SV2C: variants seen among roughly 807,000 people sequenced by gnomAD.
The protein encoded by SV2C is solute carrier family 22 member B3.
A neutral mutation model predicts 79.7 loss-of-function variants in SV2C; 49 were observed. That is an observed-to-expected ratio of 0.61 (90% confidence interval 0.49 to 0.78). The LOEUF is 0.78. Among genes scored for constraint, SV2C ranks in the 30% least tolerant of loss-of-function variants. The pLI is 0.00. For synonymous variants in SV2C, 334 were observed against 333.2 expected, an observed-to-expected ratio of 1.00 and a Z score of -0.03; for missense variants, 833 against 912.9, an observed-to-expected ratio of 0.91 and a Z score of 1.13.
At chr5:76,324,586 G>A (rs532470296) in intron 12 of SV2C, among the ~76,000 whole-genome samples, 3 of 152,180 alleles carry the variant, frequency 2.0e-5, no homozygotes, top group East Asian at 1.9e-4. Flanking sequence ...GCTCATGCCT[G>A]TAATCCCAGC....
chr5:75,910,969 A>G, the SV2C span: 1 of 904,720 alleles, frequency 1.1e-6, no homozygotes, highest in Non-Finnish European at 1.8e-6. Context: ...TTTATCCCCC[A>G]GTTCGAACAT....
At chr5:76,008,241 G>T in the SV2C span, among the ~76,000 whole-genome samples, 1 of 152,144 alleles carries the variant, frequency 6.6e-6, no homozygotes, top group Non-Finnish European at 1.5e-5. Context: ...GACAGCTAAG[G>T]ATGAACTGAA....
chr5:76,340,510 T>A (rs1749421778), intron 12 of SV2C, among the ~76,000 whole-genome samples: 1 of 152,282 alleles, frequency 6.6e-6, no homozygotes, highest in South Asian at 2.1e-4. Context: ...AGCAGGATAT[T>A]CCAGGAAGTC....
At chr5:75,920,129 G>A in the SV2C span, among the ~76,000 whole-genome samples, 18 of 152,314 alleles carry the variant, frequency 1.2e-4, no homozygotes, top group Non-Finnish European at 2.5e-4. Context: ...CTATGGACAG[G>A]AACTCTTAGA....
At chr5:76,281,325 T>A (rs974156995) in intron 4 of SV2C, 11 of 391,748 alleles carry the variant, frequency 2.8e-5, no homozygotes, top group Non-Finnish European at 5.0e-5. Context: ...GGACGGAAGT[T>A]AAGATCTGAT....
the SV2C span, among the ~76,000 whole-genome samples, chr5:75,979,821 G>C: frequency 6.6e-6 from 1 of 152,082 alleles, no homozygotes; most frequent in African/African-American, 2.4e-5. Flanking sequence ...AAAAAAATTA[G>C]AGAACCAAGG....
At chr5:75,897,025 T>A in the SV2C span, among the ~76,000 whole-genome samples, 1 of 145,690 alleles carries the variant, frequency 6.9e-6, no homozygotes, top group African/African-American at 2.8e-5. Flanking sequence ...GGTTGCCTGT[T>A]CACTCTGATG....
intron 2 of SV2C, among the ~76,000 whole-genome samples, chr5:76,165,448 G>C (rs1011381192): frequency 6.6e-6 from 1 of 152,094 alleles, no homozygotes; most frequent in Non-Finnish European, 1.5e-5. Context: ...CCAGGGTCCA[G>C]ATTGTTCCAT....
chr5:75,954,420 A>T, the SV2C span, among the ~76,000 whole-genome samples: 1 of 152,052 alleles, frequency 6.6e-6, no homozygotes, highest in Admixed American at 6.6e-5. Context: ...ATTTATTGAG[A>T]GTTTTTAGCC....
intron 2 of SV2C, among the ~76,000 whole-genome samples, chr5:76,186,642 AG>A (rs1743926727): frequency 6.6e-6 from 1 of 152,180 alleles, no homozygotes; most frequent in South Asian, 2.1e-4. Context: ...CAGTGAGCCA[AG>A]GTTACACCAC....
At chr5:75,958,104 CTCAA>C in the SV2C span, among the ~76,000 whole-genome samples, 1 of 151,946 alleles carries the variant, frequency 6.6e-6, no homozygotes, top group Non-Finnish European at 1.5e-5. Context: ...TCTGGAAAGC[CTCAA>C]TAGAGTTTTT....
At chr5:75,992,296 G>T in the SV2C span, among the ~76,000 whole-genome samples, 2 of 151,786 alleles carry the variant, frequency 1.3e-5, no homozygotes, top group Admixed American at 1.3e-4. Flanking sequence ...TTTATATCAG[G>T]ACCATAAAAC....
chr5:76,091,001 A>T (rs566330969), intron 1 of SV2C, among the ~76,000 whole-genome samples: 2 of 152,170 alleles, frequency 1.3e-5, no homozygotes, highest in Non-Finnish European at 2.9e-5. Context: ...ACTTTTTAGT[A>T]GTTCTAAGCA....
At chr5:76,245,936 A>ATGTGTCTGTGTGTG (rs375007331) in intron 4 of SV2C, among the ~76,000 whole-genome samples, 1 of 129,048 alleles carries the variant, frequency 7.7e-6, no homozygotes, top group African/African-American at 2.7e-5. Flanking sequence ...GTGTGTGTGT[A>ATGTGTCTGTGTGTG]TGTGTGTGTG....
chr5:75,875,210 A>G, the SV2C span, among the ~76,000 whole-genome samples: 1 of 152,202 alleles, frequency 6.6e-6, no homozygotes, highest in East Asian at 1.9e-4. Context: ...TCAAAACAGC[A>G]CAGTACTGGT....
At chr5:76,017,010 T>C in the SV2C span, among the ~76,000 whole-genome samples, 1,000 of 152,342 alleles carry the variant, frequency 6.6e-3, 5 homozygotes, top group Non-Finnish European at 9.9e-3. Flanking sequence ...TTCTTACTCA[T>C]TATCAAAAAG....
the SV2C span, among the ~76,000 whole-genome samples, chr5:76,043,618 G>A: frequency 2.4e-4 from 36 of 152,234 alleles, no homozygotes; most frequent in East Asian, 6.7e-3. Flanking sequence ...TGCATATTTT[G>A]TTTTGAGGTG....
At chr5:75,940,268 G>A in the SV2C span, among the ~76,000 whole-genome samples, 1 of 152,138 alleles carries the variant, frequency 6.6e-6, no homozygotes, top group African/African-American at 2.4e-5. Context: ...GGAGGCTGAT[G>A]TGGGAGGATC....
At chr5:76,001,184 G>T in the SV2C span, among the ~76,000 whole-genome samples, 1 of 152,156 alleles carries the variant, frequency 6.6e-6, no homozygotes, top group East Asian at 1.9e-4. Flanking sequence ...CCATAAGAAG[G>T]CCCAGAATTT....
Sources: allele counts gnomAD v4.1 joint callset (sites outside exome capture counted in the v4.1 genomes callset), GRCh38; gene constraint gnomAD v4.1.1; transcripts MANE v1.5; gene names NCBI Gene and HGNC (gene_info 2026-07-23, HGNC 2026-07-21).